The following ARMH3 variants were observed in gnomAD, a reference collection of about 807,000 sequenced individuals.
ARMH3 encodes armadillo like helical domain containing 3.
A neutral mutation model predicts 99.1 loss-of-function variants in ARMH3; 60 were observed. The ratio of observed to expected loss-of-function variants is 0.61; its 90% confidence interval spans 0.49 to 0.75. ARMH3 has a LOEUF of 0.75. Ranked by LOEUF, ARMH3 falls within the 30% of genes least tolerant of loss-of-function variation. ARMH3 has a pLI of 0.00. For missense variants in ARMH3, 679 were observed against 843.1 expected (o/e 0.81, Z 2.41); for synonymous variants, 285 against 292.8 (o/e 0.97, Z 0.27).
At chr10:101,930,731 A>G (rs1843689594) in intron 23 of ARMH3, among the ~76,000 whole-genome samples, 1 of 152,184 alleles carries the variant, frequency 6.6e-6, no homozygotes, top group Admixed American at 6.5e-5. Flanking sequence ...TCTGGTCCCT[A>G]CTAAGCCCAG....
At chr10:101,969,703 A>C (rs999028180) in intron 20 of ARMH3, among the ~76,000 whole-genome samples, 1 of 152,186 alleles carries the variant, frequency 6.6e-6, no homozygotes, top group Non-Finnish European at 1.5e-5. Flanking sequence ...TACTTAGCAC[A>C]GTGAAGCTGA....
rs1846997480 is a variant in ARMH3 at position 101,995,149 on chromosome 10, G to T, written c.1209+148C>A. The stretch of plus-strand genomic sequence containing the variant: ...TTCATCGAAGACTACACTCTAGTGG[G>T]AGAAGACAGATAATACAAAGGGGGA... On this transcript the variant is annotated intron_variant, in intron 16 of 25. Coordinates refer to ENST00000370033, the MANE Select transcript of ARMH3 (RefSeq NM_024541.3). 3 of 690,062 alleles carry T rather than the reference G, an allele frequency of 4.3e-6. No individual in the cohort carries two copies. The African/African-American group carries it at 5.4e-5, about 12-fold the overall frequency. The allele number at this position is 690,062 out of a possible 1,614,324, so 42.7% of individuals were successfully genotyped here. A position where few individuals can be genotyped will look rare whatever the true frequency, so the allele number is the denominator to read the frequency against.
At chr10:101,961,453 A>T (rs3802682) in intron 20 of ARMH3, among the ~76,000 whole-genome samples, 4 of 151,926 alleles carry the variant, frequency 2.6e-5, no homozygotes, top group African/African-American at 9.7e-5. Context: ...TTTCTTTAGA[A>T]AAAATCAGAA....
chr10:101,866,482 TA>T (rs58252053), intron 24 of ARMH3, among the ~76,000 whole-genome samples: 196 of 126,748 alleles, frequency 1.5e-3, no homozygotes, highest in Middle Eastern at 4.0e-3. Flanking sequence ...AGGACAAGTG[TA>T]AAAAAAAAAA....
intron 24 of ARMH3, among the ~76,000 whole-genome samples, chr10:101,883,651 G>A (rs2067469928): frequency 6.6e-6 from 1 of 151,950 alleles, no homozygotes; most frequent in Non-Finnish European, 1.5e-5. Flanking sequence ...AATGGTCATG[G>A]GGTTTATCTA....
At chr10:101,992,709 G>T (rs1846859256) in intron 17 of ARMH3, among the ~76,000 whole-genome samples, 1 of 151,846 alleles carries the variant, frequency 6.6e-6, no homozygotes, top group Non-Finnish European at 1.5e-5. Flanking sequence ...GTTAGCCAGG[G>T]TGGTCTCAAT....
chr10:101,971,067 A>G (rs1032501323), intron 20 of ARMH3, among the ~76,000 whole-genome samples: 12 of 143,956 alleles, frequency 8.3e-5, no homozygotes, highest in Non-Finnish European at 1.8e-4. Context: ...ACTGCACTCC[A>G]GCCTGGGCAA....
intron 24 of ARMH3, among the ~76,000 whole-genome samples, chr10:101,867,095 G>A (rs537611393): frequency 1.3e-5 from 2 of 152,258 alleles, no homozygotes; most frequent in South Asian, 2.1e-4. Context: ...GATGAGGAGT[G>A]CCCTTATCTA....
intron 23 of ARMH3, among the ~76,000 whole-genome samples, chr10:101,921,677 G>C (rs931129200): frequency 6.6e-6 from 1 of 152,104 alleles, no homozygotes; most frequent in African/African-American, 2.4e-5. Flanking sequence ...CAAGTCATTT[G>C]CAACAACACA....
intron 2 of ARMH3, 62 bp downstream of exon 2, chr10:102,039,951 T>C (rs2067369730): frequency 6.8e-7 from 1 of 1,461,552 alleles, no homozygotes; most frequent in East Asian, 2.3e-5. Flanking sequence ...GTAAGGGTAT[T>C]TCTCATCTTG....
chr10:102,044,094 T>TC (rs1178658440), intron 1 of ARMH3, among the ~76,000 whole-genome samples: 6 of 145,950 alleles, frequency 4.1e-5, no homozygotes, highest in African/African-American at 1.5e-4. Context: ...TTTTTTTCTT[T>TC]TTTTTTTTTT....
intron 24 of ARMH3, among the ~76,000 whole-genome samples, chr10:101,886,487 G>T (rs1446178483): frequency 1.3e-5 from 2 of 152,140 alleles, no homozygotes; most frequent in Non-Finnish European, 2.9e-5. Context: ...TCCAGCCTGG[G>T]TGACAGAGTG....
chr10:101,924,382 G>A (rs1302213513), intron 23 of ARMH3, among the ~76,000 whole-genome samples: 1 of 143,966 alleles, frequency 6.9e-6, no homozygotes, highest in African/African-American at 2.6e-5. Context: ...TTTTTTTTGA[G>A]ACAGAGTCTT....
At chr10:101,929,114 C>T (rs1386542416) in intron 23 of ARMH3, among the ~76,000 whole-genome samples, 4 of 152,182 alleles carry the variant, frequency 2.6e-5, no homozygotes, top group African/African-American at 7.2e-5. Flanking sequence ...TCTAAAGACT[C>T]CAGACATAAA....
At chr10:101,997,848 T>A (rs994493909) in intron 15 of ARMH3, among the ~76,000 whole-genome samples, 3 of 152,140 alleles carry the variant, frequency 2.0e-5, no homozygotes, top group African/African-American at 7.2e-5. Flanking sequence ...AAAGATAATA[T>A]CCTCATGGCG....
chr10:101,973,000 C>T (rs570869939), intron 20 of ARMH3, among the ~76,000 whole-genome samples: 27 of 152,208 alleles, frequency 1.8e-4, no homozygotes, highest in African/African-American at 6.5e-4. Context: ...TTCACCATTT[C>T]CTAGTGAGAA....
At chr10:101,919,458 C>T (rs1843218244) in intron 23 of ARMH3, among the ~76,000 whole-genome samples, 1 of 152,144 alleles carries the variant, frequency 6.6e-6, no homozygotes, top group South Asian at 2.1e-4. Flanking sequence ...ACGAAGCTCA[C>T]AGCACTTTAT....
At chr10:101,946,042 AGCCTGGGCGACAGAGT>A (rs1844505170) in intron 22 of ARMH3, among the ~76,000 whole-genome samples, 1 of 129,430 alleles carries the variant, frequency 7.7e-6, no homozygotes, top group Non-Finnish European at 1.6e-5. Context: ...ACTGCACTCC[AGCCTGGGCGACAGAGT>A]AAGACTCTGC....
Position 102,023,678 on chromosome 10 carries a change from T to G in ARMH3, c.579A>C (p.Leu193Phe). ...GAGGAGGTAACAAGGGACCTACCTG[T>G]AAAATTGCTTCAAATATGCTGTTGA... ...VMINSIFEAI[L>F]QILSHPPSRR... Residue 193 changes from leucine to phenylalanine, a missense_variant, in exon 7 of 26, where the codon TTA becomes TTC. Physicochemically the swap from Leu to Phe is conservative, Grantham distance 22. This residue lies in a region of ARMH3 where 280 missense variants were observed against 354.6 expected (regional missense o/e 0.79). Coordinates refer to ENST00000370033, the MANE Select transcript of ARMH3 (RefSeq NM_024541.3). The G allele has an allele frequency of 1.9e-6, 3 of 1,613,880 alleles. No individual in the cohort carries two copies. The highest frequency in any genetic ancestry group is 2.5e-6 in the Non-Finnish European group (3 of 1,179,726).
Sources: gnomAD v4.1 joint callset for allele counts (sites outside exome capture counted in the v4.1 genomes callset) on GRCh38, gnomAD v4.1.1 for gene constraint, gnomAD v4.1.1 regional missense constraint, MANE v1.5 for transcripts, NCBI Gene and HGNC (gene_info 2026-07-23, HGNC 2026-07-21) for gene names.